Variants in SKAP1 observed in about 807,000 individuals in gnomAD.
SKAP1 encodes src kinase associated phosphoprotein 1.
In SKAP1, 44 loss-of-function variants were observed where a neutral mutation model predicts 58.5. The observed-to-expected ratio is 0.75, with a 90% confidence interval of 0.59 to 0.97. The LOEUF (loss-of-function observed/expected upper bound fraction) is 0.97, where lower values mean the gene tolerates loss of function less well. SKAP1 is among the 50% of genes least tolerant of loss of function. SKAP1 has a pLI of 0.00. For missense variants in SKAP1, 390 were observed against 435.2 expected (o/e 0.90, Z 0.92); for synonymous variants, 127 against 149.7 (o/e 0.85, Z 1.11).
chr17:48,234,714 C>T (rs759097925), intron 4 of SKAP1, among the ~76,000 whole-genome samples: 4 of 149,414 alleles, frequency 2.7e-5, no homozygotes, highest in Non-Finnish European at 4.5e-5. Flanking sequence ...TTTCAAGGCA[C>T]TTTTTTTTTT....
At chr17:48,168,114 A>G (rs1443250570) in intron 10 of SKAP1, among the ~76,000 whole-genome samples, 2 of 152,170 alleles carry the variant, frequency 1.3e-5, no homozygotes, top group East Asian at 3.9e-4. Flanking sequence ...TTACAGGGTC[A>G]TTAACACTCA....
intron 4 of SKAP1, among the ~76,000 whole-genome samples, chr17:48,342,907 C>T (rs947769990): frequency 1.3e-4 from 20 of 152,070 alleles, no homozygotes; most frequent in African/African-American, 4.8e-4. Flanking sequence ...ATGGCGTGAA[C>T]CCAGGAGGCA....
chr17:48,261,027 T>C (rs1030186628), intron 4 of SKAP1, among the ~76,000 whole-genome samples: 1 of 152,208 alleles, frequency 6.6e-6, no homozygotes. Flanking sequence ...CTCCCTCTCC[T>C]GCAGTATTTA....
At chr17:48,327,645 T>C (rs1225782079) in intron 4 of SKAP1, among the ~76,000 whole-genome samples, 5 of 152,202 alleles carry the variant, frequency 3.3e-5, no homozygotes, top group Non-Finnish European at 7.3e-5. Context: ...TTCAACATGT[T>C]ATTCTAAGGT....
Position 48,280,217 on chromosome 17 carries a change from C to A in SKAP1, c.280+65688G>T, listed in dbSNP as rs115224454. Reference sequence around the variant, plus strand: ...GCGCTATGGCTCATGCCTGGAATCTCAGCATTTTGGGAGGCAGAGGTGGGA... The same window carrying A: ...GCGCTATGGCTCATGCCTGGAATCTAAGCATTTTGGGAGGCAGAGGTGGGA... On this transcript the variant is annotated intron_variant, in intron 4 of 12. Coordinates refer to ENST00000336915, the MANE Select transcript of SKAP1 (RefSeq NM_003726.4). Among the ~76,000 whole-genome samples the A allele has an allele frequency of 4.7e-3, 709 of 152,218 alleles. 4 individuals carry two copies. The highest frequency in any genetic ancestry group is 0.016 in the African/African-American group (661 of 41,532).
intron 4 of SKAP1, among the ~76,000 whole-genome samples, chr17:48,229,531 G>C (rs1004037083): frequency 3.9e-5 from 6 of 152,006 alleles, no homozygotes; most frequent in Non-Finnish European, 8.8e-5. Flanking sequence ...TGAGGCAGGA[G>C]AATTGCTTAA....
chr17:48,325,586 C>T (rs2074310742), intron 4 of SKAP1, among the ~76,000 whole-genome samples: 1 of 152,118 alleles, frequency 6.6e-6, no homozygotes, highest in Admixed American at 6.5e-5. Context: ...CCCTGTTTTC[C>T]TAAAGAAAAT....
Position 48,162,550 on chromosome 17 carries a change from G to C in SKAP1, c.897C>G (p.Tyr299Ter), listed in dbSNP as rs1406846382. The part of the protein sequence containing the change: ...RRKGVDYASY[Y>*]QGLWDCHGDQ... ...CACCATGGCAATCCCATAGGCCCTG[G>C]TAGTAACTGGCATAGTCTACTGATC... The change falls in exon 11 of 13, where the codon TAC (tyrosine) becomes TAG (stop). Residue 299 changes from tyrosine (Y) to a stop codon, truncating the protein, a stop_gained. Coordinates refer to ENST00000336915, the MANE Select transcript of SKAP1 (RefSeq NM_003726.4). LOFTEE classifies it high-confidence loss of function. 4 of 1,613,152 alleles carry C rather than the reference G, an allele frequency of 2.5e-6. No homozygotes were observed. Among genetic ancestry groups the C allele is most frequent in the Non-Finnish European group, 3.4e-6 (4 of 1,179,428 alleles).
chr17:48,166,465 G>A (rs2064141623), intron 10 of SKAP1, among the ~76,000 whole-genome samples: 1 of 152,150 alleles, frequency 6.6e-6, no homozygotes, highest in South Asian at 2.1e-4. Context: ...AGGTAAAAAG[G>A]ACCAGGACAT....
intron 11 of SKAP1, among the ~76,000 whole-genome samples, chr17:48,145,059 C>A (rs916057003): frequency 3.3e-5 from 5 of 151,892 alleles, no homozygotes; most frequent in African/African-American, 1.2e-4. Context: ...TAAAAAAAAA[C>A]CCACAAACCT....
chr17:48,430,328 C>A (rs1244918457), upstream of SKAP1: 2 of 263,020 alleles, frequency 7.6e-6, no homozygotes, highest in Non-Finnish European at 7.0e-6. Flanking sequence ...GGGCGCGGGG[C>A]GTGGGTGCAC....
chr17:48,354,022 T>C (rs1221173620), intron 3 of SKAP1, among the ~76,000 whole-genome samples: 1 of 151,498 alleles, frequency 6.6e-6, no homozygotes, highest in Non-Finnish European at 1.5e-5. Flanking sequence ...ATATAAGAAA[T>C]GTTTTTCAAA....
rs144199043 is a variant in SKAP1 at position 48,338,033 on chromosome 17, TTTCC to T, written c.280+7868_280+7871del. On this transcript the variant is annotated intron_variant, in intron 4 of 12. Coordinates refer to ENST00000336915, the MANE Select transcript of SKAP1 (RefSeq NM_003726.4). Reference sequence around the variant, plus strand: ...CCTTCTTTCTTCACTTAGTTCCTTCTTTCCTTCCTTCCTTCCTTCTTCACTTAGT... The same window carrying T: ...CCTTCTTTCTTCACTTAGTTCCTTCTTTCCTTCCTTCCTTCTTCACTTAGT... 5.2e-3 allele frequency among the ~76,000 whole-genome samples: 791 copies of T among 151,766 alleles called. 11 individuals are homozygous for T. Among genetic ancestry groups the T allele is most frequent in the African/African-American group, 0.018 (759 of 41,338 alleles).
intron 11 of SKAP1, among the ~76,000 whole-genome samples, chr17:48,161,270 C>T (rs1175841801): frequency 4.6e-5 from 7 of 152,064 alleles, no homozygotes; most frequent in East Asian, 1.9e-4. Context: ...GAAAGATAAA[C>T]GATAAATGAC....
chr17:48,229,121 T>C (rs1253045867), intron 4 of SKAP1, among the ~76,000 whole-genome samples: 1 of 152,154 alleles, frequency 6.6e-6, no homozygotes, highest in Non-Finnish European at 1.5e-5. Flanking sequence ...CTTAGCACCA[T>C]GTCTGACACA....
At chr17:48,178,745 A>G (rs2064325558) in intron 9 of SKAP1, among the ~76,000 whole-genome samples, 1 of 152,228 alleles carries the variant, frequency 6.6e-6, no homozygotes, top group Non-Finnish European at 1.5e-5. Context: ...ATTAACGACG[A>G]TGACTTGCTG....
intron 1 of SKAP1, among the ~76,000 whole-genome samples, chr17:48,425,336 C>G (rs2067844603): frequency 6.6e-6 from 1 of 152,114 alleles, no homozygotes; most frequent in Non-Finnish European, 1.5e-5. Flanking sequence ...AACCTGTGCA[C>G]AAATATGTCC....
intron 4 of SKAP1, among the ~76,000 whole-genome samples, chr17:48,315,290 C>A (rs2066273805): frequency 6.6e-6 from 1 of 152,026 alleles, no homozygotes; most frequent in South Asian, 2.1e-4. Flanking sequence ...CTGAAATGAT[C>A]CTCTACAGTC....
chr17:48,397,130 T>A (rs1033727097), intron 1 of SKAP1: 2 of 320,414 alleles, frequency 6.2e-6, no homozygotes, highest in African/African-American at 4.5e-5. Flanking sequence ...AACTATGACA[T>A]ATATTAGCCA....
Sources: allele counts gnomAD v4.1 joint callset (sites outside exome capture counted in the v4.1 genomes callset), GRCh38; gene constraint gnomAD v4.1.1; transcripts MANE v1.5; gene names NCBI Gene and HGNC (gene_info 2026-07-23, HGNC 2026-07-21).